ADI1: variants seen among roughly 807,000 people sequenced by gnomAD.
ADI1 encodes acireductone dioxygenase.
ADI1 carries 21 observed loss-of-function variants against 18.7 expected under a neutral mutation model. The observed-to-expected ratio is 1.13, with a 90% confidence interval of 0.80 to 1.62. The LOEUF is 1.62. Ranked by LOEUF, ADI1 falls within the 40% of genes most tolerant of loss-of-function variation. ADI1 has a pLI of 0.00. For synonymous variants in ADI1, 90 were observed against 100.1 expected, an observed-to-expected ratio of 0.90 and a Z score of 0.60; for missense variants, 245 against 254.9, an observed-to-expected ratio of 0.96 and a Z score of 0.26.
intron 2 of ADI1, among the ~76,000 whole-genome samples, chr2:3,502,966 G>A (rs1412033370): frequency 6.6e-6 from 1 of 152,076 alleles, no homozygotes; most frequent in Non-Finnish European, 1.5e-5. Context: ...TGAGAGGAAA[G>A]ATACAAATAC....
At chr2:3,514,053 AAT>A in intron 1 of ADI1, 77 bp from the exon 2 acceptor site, 1 of 1,487,202 alleles carries the variant, frequency 6.7e-7, no homozygotes, top group East Asian at 2.3e-5. Context: ...CTGGATCTCC[AAT>A]ATGATTTTAT....
At chr2:3,501,287 G>C (rs569260612) in intron 2 of ADI1, among the ~76,000 whole-genome samples, 36 of 152,222 alleles carry the variant, frequency 2.4e-4, no homozygotes, top group African/African-American at 7.9e-4. Context: ...ACGGCCCCAC[G>C]AGGTGGCTGC....
At chr2:3,511,224 T>A (rs1667288406) in intron 2 of ADI1, among the ~76,000 whole-genome samples, 1 of 152,246 alleles carries the variant, frequency 6.6e-6, no homozygotes, top group African/African-American at 2.4e-5. Context: ...GCTCCCACTT[T>A]GCCTTCTGCC....
intron 3 of ADI1, chr2:3,500,584 C>A (rs1666975240): frequency 1.6e-6 from 1 of 624,984 alleles, no homozygotes; most frequent in Non-Finnish European, 2.8e-6. Flanking sequence ...GAAATGCACA[C>A]CTGTCCACCA....
chr2:3,508,656 T>C (rs377107682), intron 2 of ADI1, among the ~76,000 whole-genome samples: 25 of 151,862 alleles, frequency 1.6e-4, no homozygotes, highest in African/African-American at 5.8e-4. Context: ...AATTCCAGCA[T>C]TTTGGGAGGC....
Position 3,519,405 on chromosome 2 carries a change from A to G in ADI1, c.83T>C (p.Leu28Pro). 1 of 1,403,834 alleles carries G rather than the reference A, an allele frequency of 7.1e-7. No homozygotes were observed. Among genetic ancestry groups the G allele is most frequent in the Non-Finnish European group, 9.2e-7 (1 of 1,086,124 alleles). The allele number at this position is 1,403,834 out of a possible 1,614,324, so 87.0% of individuals were successfully genotyped here. A position where few individuals can be genotyped will look rare whatever the true frequency, so the allele number is the denominator to read the frequency against. The change falls in exon 1 of 4, where the codon CTG (leucine) becomes CCG (proline). Residue 28 changes from leucine (L) to proline (P), a missense_variant. Physicochemically the swap from Leu to Pro is moderately conservative, Grantham distance 98 (BLOSUM62 -3). Transcript: ENST00000327435. ...CACCCCGAGCCGCCGCAGCTGCTCC[A>G]GGCCCACTGGGCGGCCGGGGTCGGG... ...HRPDPGRPVG[L>P]EQLRRLGVLY... is the part of the protein sequence containing the mutation.
Position 3,519,368 on chromosome 2 carries a change from C to T in ADI1, c.120G>A (p.Lys40=). 7.0e-7 allele frequency: 1 copy of T among 1,429,354 alleles called. No homozygotes were observed. Among genetic ancestry groups the T allele is most frequent in the Non-Finnish European group, 9.1e-7 (1 of 1,098,116 alleles). 88.5% of individuals were successfully genotyped at this position (1,429,354 alleles called of 1,614,324 possible). Residue 40 remains lysine (K), a splice_region_variant and synonymous_variant, in exon 1 of 4, where the codon AAG becomes AAA. Transcript: ENST00000327435. ...QLRRLGVLYW[K]LDADKYENDP... ...CTCTGCGAGGCTTGGGCTCGCGTAC[C>T]TTCCAGTAGAGCACCCCGAGCCGCC... is the stretch of plus-strand genomic sequence containing the variant.
intron 3 of ADI1, chr2:3,500,483 C>A: frequency 4.3e-6 from 2 of 467,128 alleles, no homozygotes; most frequent in East Asian, 3.7e-5. Flanking sequence ...TGCCTCACCG[C>A]CAAGCAAGGG....
chr2:3,501,287 G>A (rs569260612), intron 2 of ADI1, among the ~76,000 whole-genome samples: 1 of 152,104 alleles, frequency 6.6e-6, no homozygotes, highest in African/African-American at 2.4e-5. Flanking sequence ...ACGGCCCCAC[G>A]AGGTGGCTGC....
rs1010646864 is a variant in ADI1, at chr2:3,519,286, G to A, written c.120+82C>T. On this transcript the variant is annotated intron_variant, in intron 1 of 3. Coordinates refer to ENST00000327435, the MANE Select transcript of ADI1 (RefSeq NM_018269.4). ...TGCCGCGGCTCCCAGGCCGCTGCCCGGCACCTGGAGGAGGCTGGGCTGTGC... is the reference window on the plus strand; with the variant it reads ...TGCCGCGGCTCCCAGGCCGCTGCCCAGCACCTGGAGGAGGCTGGGCTGTGC... 8.4e-6 allele frequency: 11 copies of A among 1,312,296 alleles called. No homozygotes were observed. The South Asian group carries it at 1.2e-4, about 14-fold the overall frequency. The allele number at this position is 1,312,296 out of a possible 1,614,324, so 81.3% of individuals were successfully genotyped here. A position where few individuals can be genotyped will look rare whatever the true frequency, so the allele number is the denominator to read the frequency against.
At chr2:3,506,043 C>G (rs1178706125) in intron 2 of ADI1, among the ~76,000 whole-genome samples, 2 of 152,172 alleles carry the variant, frequency 1.3e-5, no homozygotes, top group African/African-American at 4.8e-5. Context: ...ATGGTATTTG[C>G]TTATGGAAGC....
At chr2:3,500,499 G>GTGACAACC (rs1347350629) in intron 3 of ADI1, 27 of 490,978 alleles carry the variant, frequency 5.5e-5, no homozygotes, top group South Asian at 1.3e-4. Flanking sequence ...AAGGGCTGGG[G>GTGACAACC]CAGGGCCAGG....
chr2:3,509,364 T>C (rs1667245757), intron 2 of ADI1, among the ~76,000 whole-genome samples: 1 of 152,182 alleles, frequency 6.6e-6, no homozygotes, highest in African/African-American at 2.4e-5. Flanking sequence ...TCAACAACAA[T>C]GGAATACCCA....
chr2:3,507,278 C>T (rs2103207795), intron 2 of ADI1, among the ~76,000 whole-genome samples: 1 of 152,150 alleles, frequency 6.6e-6, no homozygotes, highest in African/African-American at 2.4e-5. Flanking sequence ...AAATACTGTC[C>T]ACAAATTTTC....
chr2:3,509,413 T>A (rs115996136), intron 2 of ADI1, among the ~76,000 whole-genome samples: 1 of 152,126 alleles, frequency 6.6e-6, no homozygotes, highest in African/African-American at 2.4e-5. Flanking sequence ...CCAAGACAGA[T>A]AACATTCTGG....
In ADI1 at chr2:3,502,040, C is replaced by T. The variant is rs1171862118; in HGVS notation, c.241-1047G>A. On this transcript the variant is annotated intron_variant, in intron 2 of 3. Transcript: ENST00000327435. ...ACACACACACACACACACACACACA[C>T]ACAGAGACAGGGTTTCACTCTGTTG... Among the ~76,000 whole-genome samples the T allele has an allele frequency of 0.014, 661 of 46,142 alleles. 12 individuals carry two copies. In the African/African-American group the frequency reaches 0.22, roughly 16 times the overall value. 30.3% of individuals were successfully genotyped at this position (46,142 alleles called of 152,430 possible).
intron 1 of ADI1, chr2:3,517,631 G>A (rs1216842744): frequency 6.6e-6 from 1 of 152,094 alleles, no homozygotes; most frequent in African/African-American, 2.4e-5. Context: ...CCGGCATGGT[G>A]CTGTGCACCT....
Position 3,508,919 on chromosome 2 carries a change from A to G in ADI1, c.240+4938T>C, listed in dbSNP as rs527908548. Reference sequence around the variant, plus strand: ...ACTCTGTCAAAAAAGGAAGAAGGGAAGGGAAGGGGAAGGGGAAGGGGAGAA... The same window carrying G: ...ACTCTGTCAAAAAAGGAAGAAGGGAGGGGAAGGGGAAGGGGAAGGGGAGAA... On this transcript the variant is annotated intron_variant, in intron 2 of 3. Coordinates refer to ENST00000327435, the MANE Select transcript of ADI1 (RefSeq NM_018269.4). Among the ~76,000 whole-genome samples, 3 of 142,396 alleles carry G rather than the reference A, an allele frequency of 2.1e-5. No homozygotes were observed. In the South Asian group the frequency reaches 7.6e-4, roughly 36 times the overall value. The allele number at this position is 142,396 out of a possible 152,430, so 93.4% of individuals were successfully genotyped here. A position where few individuals can be genotyped will look rare whatever the true frequency, so the allele number is the denominator to read the frequency against.
chr2:3,515,166 A>G (rs1045636567), intron 1 of ADI1: 8 of 186,058 alleles, frequency 4.3e-5, no homozygotes, highest in Non-Finnish European at 8.9e-5. Flanking sequence ...TCAGGCAAAA[A>G]CACCCATATT....
Sources: allele counts gnomAD v4.1 joint callset (sites outside exome capture counted in the v4.1 genomes callset), GRCh38; gene constraint gnomAD v4.1.1; transcripts MANE v1.5; gene names NCBI Gene and HGNC (gene_info 2026-07-23, HGNC 2026-07-21).